The following CPPED1 variants were observed in gnomAD, a reference collection of about 807,000 sequenced individuals.
CPPED1 encodes the protein serine/threonine-protein phosphatase CPPED1.
CPPED1 carries 28 observed loss-of-function variants against 28.0 expected under a neutral mutation model. The observed-to-expected ratio is 1.00, with a 90% CI of 0.74 to 1.37. CPPED1 has a LOEUF of 1.37. Ranked by LOEUF, CPPED1 falls within the 40% of genes most tolerant of loss-of-function variation. The probability of loss-of-function intolerance (pLI) is 0.00; values close to 1 mark genes in which losing one functional copy is unlikely to be tolerated. For synonymous variants in CPPED1, 198 were observed against 180.2 expected (o/e 1.10, Z -0.79); for missense variants, 504 against 416.5 (o/e 1.21, Z -1.83).
intron 3 of CPPED1, among the ~76,000 whole-genome samples, chr16:12,687,951 G>A (rs548398299): frequency 6.6e-5 from 10 of 151,416 alleles, no homozygotes; most frequent in Admixed American, 1.3e-4. Flanking sequence ...GAAGGAAGAA[G>A]GAGGGAAGGA....
At chr16:12,748,613 C>T (rs9921163) in intron 2 of CPPED1, among the ~76,000 whole-genome samples, 1,863 of 152,174 alleles carry the variant, frequency 0.012, 38 homozygotes, top group African/African-American at 0.042. Flanking sequence ...TGGCCGGGCG[C>T]GGTGGCTCAT....
At chr16:12,745,781 G>A (rs2080283116) in intron 2 of CPPED1, 1 of 152,198 alleles carries the variant, frequency 6.6e-6, no homozygotes. Context: ...TACTGTGGAA[G>A]TTAAAATATG....
intron 3 of CPPED1, among the ~76,000 whole-genome samples, chr16:12,688,413 A>G (rs1369526180): frequency 6.7e-6 from 1 of 148,352 alleles, no homozygotes; most frequent in Non-Finnish European, 1.5e-5. Context: ...GCTCATTGCA[A>G]CCTCCACCTC....
intron 3 of CPPED1, among the ~76,000 whole-genome samples, chr16:12,690,160 G>A: frequency 6.6e-6 from 1 of 152,104 alleles, no homozygotes; most frequent in Non-Finnish European, 1.5e-5. Flanking sequence ...TTGAACTGGT[G>A]AGGGGCTGGC....
At chr16:12,791,596 A>G (rs1177104130) in intron 1 of CPPED1, among the ~76,000 whole-genome samples, 2 of 152,048 alleles carry the variant, frequency 1.3e-5, no homozygotes, top group African/African-American at 4.8e-5. Context: ...CCCATCACCA[A>G]CTACTCTTGG....
chr16:12,803,861 C>G lies in CPPED1; in HGVS notation c.-85G>C. The G allele has an allele frequency of 2.3e-6, 3 of 1,325,128 alleles. No homozygotes were observed. The highest frequency in any genetic ancestry group is 3.1e-6 in the Non-Finnish European group (3 of 976,022). 82.1% of individuals were successfully genotyped at this position (1,325,128 alleles called of 1,614,324 possible). A position where few individuals can be genotyped will look rare whatever the true frequency, so the allele number is the denominator to read the frequency against. ...ACACAGAACAACCGCTGGACCTGTC[C>G]CGCTTTGGGCGACGCCCTTTGATCT... On this transcript the variant is annotated 5_prime_UTR_variant, in exon 1 of 4. Transcript: ENST00000381774.
At chr16:12,700,396 C>T (rs530498216) in intron 3 of CPPED1, among the ~76,000 whole-genome samples, 6 of 152,286 alleles carry the variant, frequency 3.9e-5, no homozygotes, top group East Asian at 3.9e-4. Flanking sequence ...ACAGAGGCCA[C>T]GTGTTGAACA....
rs147447784 is a variant in CPPED1 at position 12,709,534 on chromosome 16, G to C, written c.290-4485C>G. 1.3e-5 allele frequency among the ~76,000 whole-genome samples: 2 copies of C among 152,256 alleles called. No individual in the cohort carries two copies. The highest frequency in any genetic ancestry group is 6.5e-5 in the Admixed American group (1 of 15,286). On this transcript the variant is annotated intron_variant, in intron 2 of 3. Coordinates refer to ENST00000381774, the MANE Select transcript of CPPED1 (RefSeq NM_018340.3). The surrounding 1 kb of genome is among the most constrained non-coding windows in gnomAD (Gnocchi z 4.4). ...ACTAGGAGGTAAAAAGCATGATAAC[G>C]ATAATTACAAAATTCTTATTTGTAT...
chr16:12,713,021 T>C (rs1190486334), intron 2 of CPPED1, among the ~76,000 whole-genome samples: 1 of 152,060 alleles, frequency 6.6e-6, no homozygotes, highest in Non-Finnish European at 1.5e-5. Flanking sequence ...ACAAGGCCAA[T>C]TGTGTAAGTA....
In CPPED1 at chr16:12,789,850, G is replaced by A. The variant is rs573365762; in HGVS notation, c.71-8447C>T. On this transcript the variant is annotated intron_variant, in intron 1 of 3. Coordinates refer to ENST00000381774, the MANE Select transcript of CPPED1 (RefSeq NM_018340.3). ...CCTGGTTGCCATAATTTTCTAAATC[G>A]AATTATAAAATTAACTTTGAAACAC... Among the ~76,000 whole-genome samples, 6 of 152,180 alleles carry A rather than the reference G, an allele frequency of 3.9e-5. No individual in the cohort carries two copies. In the South Asian group the frequency reaches 1.2e-3, roughly 32 times the overall value.
chr16:12,737,401 C>A (rs2080232310), intron 2 of CPPED1, among the ~76,000 whole-genome samples: 1 of 151,970 alleles, frequency 6.6e-6, no homozygotes, highest in African/African-American at 2.4e-5. Flanking sequence ...ACAGAGGAAC[C>A]AAAAAGCACC....
At position 12,682,842 on chromosome 16, in the gene CPPED1, G is replaced by C. The variant is rs372809761; in HGVS notation, c.716-17727C>G. On this transcript the variant is annotated intron_variant, in intron 3 of 3. Coordinates refer to ENST00000381774, the MANE Select transcript of CPPED1 (RefSeq NM_018340.3). This position sits in a 1 kb window ranked among gnomAD's most constrained non-coding sequence, Gnocchi z 6.1. The stretch of plus-strand genomic sequence containing the variant: ...TTTTTAAAAGAAGATGGCAGCTTGC[G>C]TGTGAAATGGAGCGTGGGGCCCACA... 6.6e-6 allele frequency among the ~76,000 whole-genome samples: 1 copy of C among 152,126 alleles called. No individual in the cohort carries two copies. Among genetic ancestry groups the C allele is most frequent in the African/African-American group, 2.4e-5 (1 of 41,432 alleles).
intron 2 of CPPED1, among the ~76,000 whole-genome samples, chr16:12,734,111 C>A (rs1363154726): frequency 7.9e-6 from 1 of 126,282 alleles, no homozygotes; most frequent in Non-Finnish European, 1.6e-5. Context: ...GCTCTGTCAC[C>A]CAGGCTGGAG....
At chr16:12,759,969 G>A (rs551212114) in intron 2 of CPPED1, among the ~76,000 whole-genome samples, 1 of 152,310 alleles carries the variant, frequency 6.6e-6, no homozygotes, top group East Asian at 1.9e-4. Flanking sequence ...AGGACAAATG[G>A]ACAACCACTG....
intron 2 of CPPED1, among the ~76,000 whole-genome samples, chr16:12,748,739 C>T (rs528498565): frequency 2.0e-4 from 31 of 152,006 alleles, no homozygotes; most frequent in African/African-American, 6.3e-4. Context: ...AAAAATTAGC[C>T]GGTTGTGGTG....
chr16:12,739,265 T>C (rs2080242182), intron 2 of CPPED1, among the ~76,000 whole-genome samples: 1 of 151,042 alleles, frequency 6.6e-6, no homozygotes, highest in South Asian at 2.1e-4. Context: ...AGCAAGTGAG[T>C]TTTTTCTACC....
chr16:12,674,025 G>A (rs550838010), intron 3 of CPPED1, among the ~76,000 whole-genome samples: 2 of 152,026 alleles, frequency 1.3e-5, no homozygotes, highest in African/African-American at 4.8e-5. Context: ...CTCCAGCTTG[G>A]GCAACAGAGC....
At chr16:12,784,123 A>ATCTCTT (rs1186061224) in intron 1 of CPPED1, among the ~76,000 whole-genome samples, 1 of 152,212 alleles carries the variant, frequency 6.6e-6, no homozygotes, top group Non-Finnish European at 1.5e-5. Flanking sequence ...CATGACTTTC[A>ATCTCTT]TCTCTTTCTC....
intron 2 of CPPED1, among the ~76,000 whole-genome samples, chr16:12,721,753 T>TAA (rs200876974): frequency 2.3e-4 from 30 of 131,892 alleles, no homozygotes; most frequent in East Asian, 6.5e-4. Flanking sequence ...GATTCCGTCT[T>TAA]AAAAAAAAAA....
Sources: gnomAD v4.1 joint callset for allele counts (sites outside exome capture counted in the v4.1 genomes callset) on GRCh38, gnomAD v4.1.1 for gene constraint, Gnocchi (gnomAD v3.1) non-coding constraint, MANE v1.5 for transcripts, NCBI Gene and HGNC (gene_info 2026-07-23, HGNC 2026-07-21) for gene names.